DNAH2: variants seen among roughly 807,000 people sequenced by gnomAD.
DNAH2 encodes axonemal beta dynein heavy chain 2.
A neutral mutation model predicts 523.5 loss-of-function variants in DNAH2; 323 were observed. The ratio of observed to expected loss-of-function variants is 0.62; its 90% CI spans 0.56 to 0.68. The LOEUF is 0.68. Among genes scored for constraint, DNAH2 ranks in the 30% least tolerant of loss-of-function variants. DNAH2 has a pLI of 0.00. For synonymous variants in DNAH2, 2,093 were observed against 2,177.4 expected (o/e 0.96, Z 1.08); for missense variants, 4,907 against 5,701.5 (o/e 0.86, Z 4.49).
In DNAH2 at chr17:7,801,753, C is replaced by A. The variant is rs1216913302; in HGVS notation, c.8832+43C>A. The stretch of plus-strand genomic sequence containing the variant: ...ACCTCTCATTGCATCCCTGGCCTCC[C>A]TCTCCCCCGCCTCTCATCTCTCATC... On this transcript the variant is annotated intron_variant, in intron 57 of 85. Transcript: ENST00000572933. 25 of 1,611,494 alleles carry A rather than the reference C, an allele frequency of 1.6e-5. No individual in the cohort carries two copies. In the African/African-American group the frequency reaches 2.8e-4, roughly 18 times the overall value.
intron 48 of DNAH2, among the ~76,000 whole-genome samples, chr17:7,793,497 TTC>T (rs1567709459): frequency 7.3e-6 from 1 of 137,646 alleles, no homozygotes; most frequent in Non-Finnish European, 1.7e-5. Flanking sequence ...CTTTCTTTCT[TTC>T]TTTCTTTCTT....
In DNAH2 at chr17:7,818,685, C is replaced by T. The variant is rs748654663; in HGVS notation, c.10579C>T (p.Arg3527Trp). 5.6e-6 allele frequency: 9 copies of T among 1,613,898 alleles called. No individual in the cohort carries two copies. Among genetic ancestry groups the T allele is most frequent in the African/African-American group, 4.0e-5 (3 of 74,890 alleles). Residue 3527 changes from arginine (R) to tryptophan (W), a missense_variant, in exon 70 of 86, where the codon CGG becomes TGG. Arg to Trp is a moderately radical substitution (Grantham distance 101). Around this residue, in one of 3 missense-constraint regions of DNAH2, gnomAD observed 1,851 missense variants for 2,139.4 expected, o/e 0.87. Transcript: ENST00000572933. ...QLLGIVVRKE[R>W]PELEEQKDSL... ...GCTGGGCATTGTGGTGCGGAAGGAG[C>T]GGCCTGAGCTGGAGGAGCAGAAGGA...
rs760340928 is a variant in DNAH2 at position 7,824,160 on chromosome 17, A to G, written c.11518A>G (p.Ile3840Val). The G allele has an allele frequency of 1.3e-6, 2 of 1,587,220 alleles. No individual in the cohort carries two copies. The highest frequency in any genetic ancestry group is 1.1e-5 in the South Asian group (1 of 88,418). ...DSTPRSPLVF[I>V]LSPGVDPTSA... The stretch of plus-strand genomic sequence containing the variant: ...AACCCCACGATCCCCACTCGTGTTC[A>G]TCCTGTCCCCTGGTGTGGACCCCAC... Residue 3840 changes from isoleucine to valine, a missense_variant, in exon 76 of 86, where the codon ATC becomes GTC. Coordinates refer to ENST00000572933, the MANE Select transcript of DNAH2 (RefSeq NM_020877.5).
chr17:7,824,421 G>T (rs988864513), intron 76 of DNAH2, 116 bp from the exon 77 acceptor site: 1 of 1,425,876 alleles, frequency 7.0e-7, no homozygotes, highest in African/African-American at 1.4e-5. Context: ...GGCCCCAGAA[G>T]TGGCAGATCT....
rs1411322535 is a variant in DNAH2 at position 7,734,193 on chromosome 17, C to A, written c.639C>A (p.Tyr213Ter). Residue 213 changes from tyrosine (Y) to a stop codon, truncating the protein, a stop_gained, in exon 6 of 86, where the codon TAC becomes TAA. Coordinates refer to ENST00000572933, the MANE Select transcript of DNAH2 (RefSeq NM_020877.5). LOFTEE classifies it high-confidence loss of function. ...CTTTCCTTTCCTTAGACACTCGGTACAAACTGGAGGGGCACACGGTCCTCT... is the reference window on the plus strand; with the variant it reads ...CTTTCCTTTCCTTAGACACTCGGTAAAAACTGGAGGGGCACACGGTCCTCT... The part of the protein sequence containing the change: ...KFLACLTDTR[Y>*]KLEGHTVLYI... 6.3e-7 allele frequency: 1 copy of A among 1,595,168 alleles called. No individual in the cohort carries two copies. Among genetic ancestry groups the A allele is most frequent in the Non-Finnish European group, 8.5e-7 (1 of 1,170,218 alleles).
Position 7,754,681 on chromosome 17 carries a change from T to G in DNAH2, c.1905-2410T>G. The G allele has an allele frequency of 7.9e-7, 1 of 1,265,292 alleles. No homozygotes were observed. The highest frequency in any genetic ancestry group is 1.1e-6 in the Non-Finnish European group (1 of 880,702). 78.4% of individuals were successfully genotyped at this position (1,265,292 alleles called of 1,614,324 possible). On this transcript the variant is annotated intron_variant, in intron 12 of 85. Transcript: ENST00000572933. This position sits in a 1 kb window ranked among gnomAD's most constrained non-coding sequence, Gnocchi z 4.6. ...CATAAACTTGATCGACTTGCCTACA[T>G]TGCCCACCCCAACCTTGGGAAGCTT...
rs770097953 is a variant in DNAH2 at position 7,741,293 on chromosome 17, T to TCTTCCTTC, written c.1689+307_1689+314dup. Among the ~76,000 whole-genome samples the TCTTCCTTC allele has an allele frequency of 1.2e-3, 72 of 61,590 alleles. 3 individuals are homozygous for TCTTCCTTC. The highest frequency in any genetic ancestry group is 1.6e-3 in the East Asian group (2 of 1,266). The allele number at this position is 61,590 out of a possible 152,430, so 40.4% of individuals were successfully genotyped here. ...TTCTTTCTTTCTTTCTTTCTTTCTT[T>TCTTCCTTC]CTTCCTTCCTTCCCTCCCTCCCTCC... is the stretch of plus-strand genomic sequence containing the variant. On this transcript the variant is annotated intron_variant, in intron 11 of 85. Coordinates refer to ENST00000572933, the MANE Select transcript of DNAH2 (RefSeq NM_020877.5).
intron 22 of DNAH2, 68 bp downstream of exon 22, chr17:7,766,549 A>C: frequency 6.7e-7 from 1 of 1,491,802 alleles, no homozygotes; most frequent in East Asian, 2.5e-5. Context: ...ATGGGTCCTT[A>C]GCGCCCACAA....
chr17:7,748,199 CACAA>C (rs1261494058), intron 12 of DNAH2, among the ~76,000 whole-genome samples: 1 of 152,228 alleles, frequency 6.6e-6, no homozygotes, highest in African/African-American at 2.4e-5. Flanking sequence ...TTGCACTTAA[CACAA>C]ACATATTCCA....
rs1279804253 is a variant in DNAH2 at position 7,817,855 on chromosome 17, A to G, written c.10235A>G (p.Gln3412Arg). 6.8e-6 allele frequency: 11 copies of G among 1,613,564 alleles called. No homozygotes were observed. Among genetic ancestry groups the G allele is most frequent in the Non-Finnish European group, 9.3e-6 (11 of 1,179,902 alleles). Residue 3412 changes from glutamine (Q) to arginine (R), a missense_variant and splice_region_variant, in exon 67 of 86, where the codon CAG becomes CGG. Physicochemically the swap from Gln to Arg is conservative, Grantham distance 43. This residue lies in a region of DNAH2 where 1,851 missense variants were observed against 2,139.4 expected (regional missense o/e 0.87). Transcript: ENST00000572933. The stretch of plus-strand genomic sequence containing the variant: ...TGGATTAAGAACATGGAAGGAGGCC[A>G]GGTGTGAGGCTGGGGGGTCAGGTTA... ...LKWIKNMEGGQGLKIIDLQMS... is the reference protein window; with the variant it reads ...LKWIKNMEGGRGLKIIDLQMS...
At chr17:7,761,150 A>G (rs2075994006) in intron 18 of DNAH2, among the ~76,000 whole-genome samples, 1 of 152,204 alleles carries the variant, frequency 6.6e-6, no homozygotes, top group African/African-American at 2.4e-5. Flanking sequence ...GCAGTTGTCT[A>G]GGGGAGGATG....
At chr17:7,749,171 G>T (rs764977878) in intron 12 of DNAH2, among the ~76,000 whole-genome samples, 2 of 151,044 alleles carry the variant, frequency 1.3e-5, no homozygotes, top group Non-Finnish European at 3.0e-5. Flanking sequence ...AGCCGGGCAT[G>T]GTGGCAAGCG....
intron 8 of DNAH2, chr17:7,737,898 G>T (rs2075187579): frequency 2.9e-6 from 2 of 692,176 alleles, no homozygotes; most frequent in African/African-American, 3.5e-5. Flanking sequence ...ACGGGCAGGG[G>T]GATGCAGAGA....
rs974862334 is a variant in DNAH2 at position 7,780,506 on chromosome 17, C to T, written c.5851-124C>T. 2.8e-6 allele frequency: 4 copies of T among 1,445,574 alleles called. No homozygotes were observed. In the South Asian group the frequency reaches 5.0e-5, roughly 18 times the overall value. 89.5% of individuals were successfully genotyped at this position (1,445,574 alleles called of 1,614,324 possible). A position where few individuals can be genotyped will look rare whatever the true frequency, so the allele number is the denominator to read the frequency against. On this transcript the variant is annotated intron_variant, in intron 37 of 85. Transcript: ENST00000572933. This position sits in a 1 kb window ranked among gnomAD's most constrained non-coding sequence, Gnocchi z 4.4. ...ATTCACACAATTTCCTCAGGAGAAT[C>T]CATAGAGTGCCTCCTAGCTGCTTCA...
chr17:7,821,833 C>A lies in DNAH2; in HGVS notation c.11142+464C>A, dbSNP rs940525133. On this transcript the variant is annotated intron_variant, in intron 73 of 85. Transcript: ENST00000572933. The surrounding 1 kb of genome is among the most constrained non-coding windows in gnomAD (Gnocchi z 5.0). ...CCGGAGAAGAACACATCCACACCGA[C>A]TGGACGCGCTTTAAGTCCATGATCG... Among the ~76,000 whole-genome samples, 1 of 152,184 alleles carries A rather than the reference C, an allele frequency of 6.6e-6. No individual in the cohort carries two copies. The highest frequency in any genetic ancestry group is 1.5e-5 in the Non-Finnish European group (1 of 68,040).
intron 73 of DNAH2, among the ~76,000 whole-genome samples, chr17:7,822,979 T>G (rs866582238): frequency 1.3e-5 from 2 of 152,024 alleles, no homozygotes; most frequent in African/African-American, 4.8e-5. Flanking sequence ...GATCCCTGTA[T>G]TCATCTCTTC....
At chr17:7,819,458 GTTC>G (rs1421919882) in intron 72 of DNAH2, 50 bp downstream of exon 72, 3 of 1,604,006 alleles carry the variant, frequency 1.9e-6, no homozygotes, top group Non-Finnish European at 2.6e-6. Flanking sequence ...AGTGGCTGTG[GTTC>G]TTCTGGCCAC....
intron 77 of DNAH2, 65 bp downstream of exon 77, chr17:7,824,792 CAG>C: frequency 7.6e-7 from 1 of 1,324,150 alleles, no homozygotes; most frequent in Non-Finnish European, 1.0e-6. Context: ...CTGCTAGCAC[CAG>C]AGAGAGGGCT....
At chr17:7,823,801 C>T (rs1567760144) in intron 74 of DNAH2, 33 bp from the exon 75 acceptor site, 1 of 1,609,632 alleles carries the variant, frequency 6.2e-7, no homozygotes, top group Non-Finnish European at 8.5e-7. Flanking sequence ...CAGACTCACT[C>T]CCTCTCCCTG....
Sources: gnomAD v4.1 joint callset for allele counts (sites outside exome capture counted in the v4.1 genomes callset) on GRCh38, gnomAD v4.1.1 for gene constraint, gnomAD v4.1.1 regional missense constraint, Gnocchi (gnomAD v3.1) non-coding constraint, MANE v1.5 for transcripts, NCBI Gene and HGNC (gene_info 2026-07-23, HGNC 2026-07-21) for gene names.